The following L3MBTL3 variants were observed in gnomAD, a reference collection of about 807,000 sequenced individuals.
L3MBTL3 encodes the protein lethal(3)malignant brain tumor-like protein 3.
A neutral mutation model predicts 102.3 loss-of-function variants in L3MBTL3; 27 were observed. That is an observed-to-expected ratio of 0.26 (90% CI 0.19 to 0.36). The LOEUF (loss-of-function observed/expected upper bound fraction) is 0.36, where lower values mean the gene tolerates loss of function less well. Among genes scored for constraint, L3MBTL3 ranks in the 10% least tolerant of loss-of-function variants. The probability of loss-of-function intolerance (pLI) is 1.00; values close to 1 mark genes in which losing one functional copy is unlikely to be tolerated. For missense variants in L3MBTL3, 798 were observed against 955.3 expected, an observed-to-expected ratio of 0.84 and a Z score of 2.17; for synonymous variants, 340 against 320.9, an observed-to-expected ratio of 1.06 and a Z score of -0.64.
chr6:130,106,377 A>G (rs566754123), intron 19 of L3MBTL3, among the ~76,000 whole-genome samples: 9 of 152,298 alleles, frequency 5.9e-5, no homozygotes, highest in Admixed American at 1.3e-4. Flanking sequence ...TGGGGTTTCA[A>G]TGAAAGCCTT....
At chr6:130,097,501 A>C (rs1025094487) in intron 18 of L3MBTL3, among the ~76,000 whole-genome samples, 8 of 152,206 alleles carry the variant, frequency 5.3e-5, no homozygotes, top group African/African-American at 1.9e-4. Flanking sequence ...TGATCTAAGA[A>C]GTGTTAAAAC....
chr6:130,122,680 G>T (rs7755865), intron 20 of L3MBTL3, among the ~76,000 whole-genome samples: 14,673 of 152,176 alleles, frequency 0.096, 1,901 homozygotes, highest in African/African-American at 0.29. Flanking sequence ...TTGTTATCAG[G>T]GCTATTTTGA....
chr6:130,087,574 A>G (rs1344477580), intron 16 of L3MBTL3, among the ~76,000 whole-genome samples: 1 of 152,178 alleles, frequency 6.6e-6, no homozygotes, highest in Non-Finnish European at 1.5e-5. Flanking sequence ...GCAGTTTGGC[A>G]ATAGGTTAAC....
chr6:130,124,294 G>T (rs1479340095), intron 20 of L3MBTL3, among the ~76,000 whole-genome samples: 1 of 152,192 alleles, frequency 6.6e-6, no homozygotes, highest in Admixed American at 6.5e-5. Flanking sequence ...GGAGAATGAA[G>T]CCCTGGTTCT....
chr6:130,064,104 T>A (rs1782089995), intron 10 of L3MBTL3, among the ~76,000 whole-genome samples: 1 of 152,186 alleles, frequency 6.6e-6, no homozygotes, highest in Non-Finnish European at 1.5e-5. Context: ...CCATCACCAT[T>A]TACTAGACTT....
chr6:130,084,091 G>A (rs1584397208), intron 15 of L3MBTL3, among the ~76,000 whole-genome samples: 1 of 152,088 alleles, frequency 6.6e-6, no homozygotes, highest in East Asian at 1.9e-4. Context: ...TTTGTTTATG[G>A]CAAGCTGAGA....
In L3MBTL3 at chr6:130,133,891, G is replaced by A. The variant is rs969532309; in HGVS notation, c.2185G>A (p.Val729Ile). 1.2e-6 allele frequency: 2 copies of A among 1,612,456 alleles called. No individual in the cohort carries two copies. Among genetic ancestry groups the A allele is most frequent in the Admixed American group, 1.7e-5 (1 of 60,020 alleles). ...ACCTGGGTGTGAAGAACATGGAAAG[G>A]TATTTAAAGATGAAGTAAGTATTCC... ...SLPGCEEHGK[V>I]FKDEQIDGEA... Residue 729 changes from valine (V) to isoleucine (I), a missense_variant, in exon 22 of 23, where the codon GTA (valine) becomes ATA (isoleucine). By Grantham distance (29) the Val-to-Ile change is conservative. Around this residue, in one of 4 missense-constraint regions of L3MBTL3, gnomAD observed 48 missense variants for 107.0 expected, o/e 0.45. Transcript: ENST00000361794. The surrounding 1 kb of genome is among the most constrained non-coding windows in gnomAD (Gnocchi z 4.9).
chr6:130,128,606 A>G (rs1786784175), intron 20 of L3MBTL3, among the ~76,000 whole-genome samples: 1 of 152,156 alleles, frequency 6.6e-6, no homozygotes, highest in African/African-American at 2.4e-5. Context: ...GCTGGGGAAT[A>G]TAGTCTTCAT....
chr6:130,114,911 C>T (rs1027630069), intron 19 of L3MBTL3, among the ~76,000 whole-genome samples: 5 of 152,138 alleles, frequency 3.3e-5, no homozygotes, highest in African/African-American at 1.2e-4. Context: ...TCCTCAAGTA[C>T]AGTCGCTCTT....
chr6:130,051,395 C>T lies in L3MBTL3; in HGVS notation c.436C>T (p.His146Tyr). ...GNYCSQNCARHIKDKDQKEER... is the reference protein window; with the variant it reads ...GNYCSQNCARYIKDKDQKEER... ...CTATTGCAGCCAGAATTGTGCTCGG[C>T]ACATCAAAGATAAGTAGGTTTTTGC... Residue 146 changes from histidine to tyrosine, a missense_variant, in exon 6 of 23, where the codon CAC (histidine) becomes TAC (tyrosine). Coordinates refer to ENST00000361794, the MANE Select transcript of L3MBTL3 (RefSeq NM_032438.4). The T allele has an allele frequency of 1.2e-6, 2 of 1,613,288 alleles. No individual in the cohort carries two copies. The highest frequency in any genetic ancestry group is 2.2e-5 in the South Asian group (2 of 90,890).
intron 13 of L3MBTL3, among the ~76,000 whole-genome samples, chr6:130,071,678 G>A (rs1782649089): frequency 6.6e-6 from 1 of 152,086 alleles, no homozygotes; most frequent in Non-Finnish European, 1.5e-5. Context: ...CATTTCTAAA[G>A]TGTTTAGTTC....
intron 20 of L3MBTL3, among the ~76,000 whole-genome samples, chr6:130,121,273 G>A (rs1000480318): frequency 2.0e-5 from 3 of 151,992 alleles, no homozygotes; most frequent in African/African-American, 4.8e-5. Flanking sequence ...TTCCTTCTTC[G>A]TGTTTGTAGG....
intron 13 of L3MBTL3, among the ~76,000 whole-genome samples, chr6:130,077,097 T>A (rs1241331650): frequency 6.6e-6 from 1 of 151,968 alleles, no homozygotes; most frequent in Non-Finnish European, 1.5e-5. Flanking sequence ...TCTATTAGAT[T>A]GAGAAGGAAA....
At chr6:130,042,830 G>A in intron 3 of L3MBTL3, 29 bp downstream of exon 3, 1 of 1,386,990 alleles carries the variant, frequency 7.2e-7, no homozygotes, top group East Asian at 2.3e-5. Flanking sequence ...ATACAATTAT[G>A]TGTGTGTGCA....
At chr6:130,139,079 T>C (rs1048820117) in intron 22 of L3MBTL3, among the ~76,000 whole-genome samples, 5 of 108,042 alleles carry the variant, frequency 4.6e-5, no homozygotes, top group African/African-American at 1.8e-4. Flanking sequence ...TAGTAAATGC[T>C]TTTCTTCTGT....
chr6:130,073,205 G>A (rs1162695806), intron 13 of L3MBTL3, among the ~76,000 whole-genome samples: 2 of 152,120 alleles, frequency 1.3e-5, no homozygotes, highest in Middle Eastern at 3.2e-3. Flanking sequence ...CCAGGAGTTT[G>A]AGACCAGCCT....
chr6:130,086,042 C>T (rs764947111), intron 15 of L3MBTL3, 98 bp from the exon 16 acceptor site: 47 of 813,484 alleles, frequency 5.8e-5, no homozygotes, highest in Non-Finnish European at 7.1e-5. Flanking sequence ...TGTGAGCCAC[C>T]GCGCCTGGCC....
Position 130,100,230 on chromosome 6 carries a change from A to G in L3MBTL3, c.1737-4196A>G, listed in dbSNP as rs541065258. ...ATCCGAGGTCAGTTTTGTTACTACC[A>G]TCCTCATTTTACAGATGAAACAGAA... On this transcript the variant is annotated intron_variant, in intron 18 of 22. Coordinates refer to ENST00000361794, the MANE Select transcript of L3MBTL3 (RefSeq NM_032438.4). Among the ~76,000 whole-genome samples the G allele has an allele frequency of 4.4e-4, 67 of 152,314 alleles. 1 individual carries two copies. In the South Asian group the frequency reaches 0.012, roughly 27 times the overall value.
At chr6:130,094,709 T>C (rs1028186330) in intron 18 of L3MBTL3, among the ~76,000 whole-genome samples, 3 of 152,186 alleles carry the variant, frequency 2.0e-5, no homozygotes, top group African/African-American at 7.2e-5. Flanking sequence ...TGGTAGAATA[T>C]TATCTGATTG....
Sources: gnomAD v4.1 joint callset for allele counts (sites outside exome capture counted in the v4.1 genomes callset) on GRCh38, gnomAD v4.1.1 for gene constraint, gnomAD v4.1.1 regional missense constraint, Gnocchi (gnomAD v3.1) non-coding constraint, MANE v1.5 for transcripts, NCBI Gene and HGNC (gene_info 2026-07-23, HGNC 2026-07-21) for gene names.